ADK: variants seen among roughly 807,000 people sequenced by gnomAD.
ADK encodes N6,N6-dimethyladenosine kinase.
In ADK, 24 loss-of-function variants were observed where a neutral mutation model predicts 44.7. The observed-to-expected ratio is 0.54, with a 90% confidence interval of 0.39 to 0.76. The LOEUF (loss-of-function observed/expected upper bound fraction) is 0.76. Among genes scored for constraint, ADK ranks in the 30% least tolerant of loss-of-function variants. The pLI, the probability that ADK is intolerant of heterozygous loss-of-function variation, is 0.00. For synonymous variants in ADK, 128 were observed against 142.6 expected (o/e 0.90, Z 0.73); for missense variants, 321 against 425.1 (o/e 0.76, Z 2.15).
chr10:74,687,544 A>G (rs7085860), intron 10 of ADK, among the ~76,000 whole-genome samples: 6 of 152,344 alleles, frequency 3.9e-5, no homozygotes, highest in African/African-American at 1.4e-4. Flanking sequence ...TTTTCTTAAA[A>G]GGGTAATACG....
chr10:74,699,225 T>C (rs1163440762), intron 10 of ADK, among the ~76,000 whole-genome samples: 1 of 150,906 alleles, frequency 6.6e-6, no homozygotes, highest in Non-Finnish European at 1.5e-5. Context: ...CTCTGGGGCC[T>C]GAGGCTGTGT....
chr10:74,640,181 G>C (rs1204993070), intron 9 of ADK, among the ~76,000 whole-genome samples: 2 of 152,180 alleles, frequency 1.3e-5, no homozygotes, highest in African/African-American at 4.8e-5. Flanking sequence ...AGTTTTCTCT[G>C]AGCTAGATCG....
At chr10:74,512,729 G>T (rs1848389496) in intron 6 of ADK, among the ~76,000 whole-genome samples, 1 of 4,234 alleles carries the variant, frequency 2.4e-4, no homozygotes. Context: ...TTGTTTTGTT[G>T]ATCTTTTGTA....
chr10:74,672,223 C>A (rs920001403), intron 10 of ADK, among the ~76,000 whole-genome samples: 4 of 152,096 alleles, frequency 2.6e-5, no homozygotes, highest in Non-Finnish European at 2.9e-5. Context: ...CAAATAGTGA[C>A]TATTTTAGGC....
At chr10:74,682,392 G>T (rs1255575278) in intron 10 of ADK, among the ~76,000 whole-genome samples, 1 of 152,046 alleles carries the variant, frequency 6.6e-6, no homozygotes, top group Non-Finnish European at 1.5e-5. Flanking sequence ...CTTTCTTATA[G>T]CTACAGTACT....
intron 7 of ADK, among the ~76,000 whole-genome samples, chr10:74,565,416 C>CAAT (rs954456328): frequency 2.6e-5 from 4 of 151,976 alleles, no homozygotes; most frequent in African/African-American, 9.7e-5. Context: ...GTTGTCATAT[C>CAAT]AATAATAATA....
chr10:74,496,134 C>T (rs960866240), intron 6 of ADK, among the ~76,000 whole-genome samples: 1 of 152,058 alleles, frequency 6.6e-6, no homozygotes, highest in African/African-American at 2.4e-5. Context: ...TTGGAGGGGG[C>T]GAGGGGGTCT....
chr10:74,522,905 C>CA (rs1403763739), intron 6 of ADK, among the ~76,000 whole-genome samples: 7 of 152,090 alleles, frequency 4.6e-5, no homozygotes, highest in African/African-American at 1.2e-4. Flanking sequence ...CTTTGAAAAG[C>CA]AAAATCTTTC....
chr10:74,210,614 A>AAT (rs1038061764), intron 2 of ADK, among the ~76,000 whole-genome samples: 3 of 152,166 alleles, frequency 2.0e-5, no homozygotes, highest in African/African-American at 7.2e-5. Flanking sequence ...CATCCTAGGC[A>AAT]ATATAGTGAG....
chr10:74,304,753 A>G (rs180735954), intron 3 of ADK, among the ~76,000 whole-genome samples: 3 of 152,214 alleles, frequency 2.0e-5, no homozygotes, highest in African/African-American at 7.2e-5. Context: ...AGCAGCAGCA[A>G]TTCTTATTTA....
intron 6 of ADK, among the ~76,000 whole-genome samples, chr10:74,412,502 C>T (rs1844219530): frequency 6.6e-6 from 1 of 152,164 alleles, no homozygotes; most frequent in African/African-American, 2.4e-5. Context: ...TCAATTTACT[C>T]TGCCCAAACC....
intron 6 of ADK, among the ~76,000 whole-genome samples, chr10:74,487,631 C>G (rs1306447207): frequency 6.6e-6 from 1 of 151,756 alleles, no homozygotes; most frequent in Non-Finnish European, 1.5e-5. Context: ...TCTTTTTAAA[C>G]TTATTCTTAA....
chr10:74,534,701 G>A (rs1849394600), intron 7 of ADK, among the ~76,000 whole-genome samples: 1 of 152,162 alleles, frequency 6.6e-6, no homozygotes, highest in Non-Finnish European at 1.5e-5. Context: ...AGTTTTAGGA[G>A]TATTGATCAT....
At chr10:74,619,078 C>T (rs924990534) in intron 9 of ADK, among the ~76,000 whole-genome samples, 2 of 148,604 alleles carry the variant, frequency 1.3e-5, no homozygotes, top group African/African-American at 5.0e-5. Flanking sequence ...TTTTCCTCCC[C>T]GAGCTTCAGG....
chr10:74,596,812 G>C (rs567559496), intron 8 of ADK, among the ~76,000 whole-genome samples: 27 of 152,344 alleles, frequency 1.8e-4, no homozygotes, highest in Middle Eastern at 3.4e-3. Flanking sequence ...CTCCCAGTGT[G>C]CTGGGATTAC....
chr10:74,675,513 A>G (rs1040764752), intron 10 of ADK, among the ~76,000 whole-genome samples: 3 of 152,184 alleles, frequency 2.0e-5, no homozygotes, highest in African/African-American at 7.2e-5. Context: ...TAATCTTTTC[A>G]CATTCTTCCT....
intron 8 of ADK, among the ~76,000 whole-genome samples, chr10:74,596,673 G>C (rs1851936931): frequency 6.6e-6 from 1 of 152,094 alleles, no homozygotes; most frequent in East Asian, 1.9e-4. Context: ...AGCCTCCTAA[G>C]TAGCTGGGAC....
chr10:74,541,797 C>CA (rs1357388400), intron 7 of ADK, among the ~76,000 whole-genome samples: 1 of 125,006 alleles, frequency 8.0e-6, no homozygotes, highest in Non-Finnish European at 1.7e-5. Flanking sequence ...CCCACACACC[C>CA]CCCCCCCCTA....
chr10:74,281,632 A>G (rs1485744295), intron 3 of ADK, among the ~76,000 whole-genome samples: 2 of 152,208 alleles, frequency 1.3e-5, no homozygotes, highest in Non-Finnish European at 2.9e-5. Context: ...ATATGAGATA[A>G]TAATTCCTCA....
Sources: gnomAD v4.1 joint callset for allele counts (sites outside exome capture counted in the v4.1 genomes callset) on GRCh38, gnomAD v4.1.1 for gene constraint, MANE v1.5 for transcripts, NCBI Gene and HGNC (gene_info 2026-07-23, HGNC 2026-07-21) for gene names.